TRMT10B: variants seen among roughly 807,000 people sequenced by gnomAD.
TRMT10B encodes tRNA methyltransferase 10B, also known as tRNA methyltransferase 10 homolog B.
TRMT10B carries 33 observed loss-of-function variants against 43.8 expected under a neutral mutation model. That is an observed-to-expected ratio of 0.75 (90% CI 0.57 to 1.01). The LOEUF (loss-of-function observed/expected upper bound fraction) is 1.01, where lower values mean the gene tolerates loss of function less well. TRMT10B is among the 50% of genes least tolerant of loss of function. The pLI, the probability that TRMT10B is intolerant of heterozygous loss-of-function variation, is 0.00. For missense variants in TRMT10B, 362 were observed against 369.8 expected (o/e 0.98, Z 0.17); for synonymous variants, 137 against 130.6 (o/e 1.05, Z -0.34).
upstream of TRMT10B, among the ~76,000 whole-genome samples, chr9:37,752,938 C>A (rs539297516): frequency 6.6e-6 from 1 of 152,088 alleles, no homozygotes; most frequent in Non-Finnish European, 1.5e-5. Context: ...ACTGTGGGTG[C>A]TTTGTTCTTT....
chr9:37,766,491 A>G (rs1397636547), intron 4 of TRMT10B, among the ~76,000 whole-genome samples: 2 of 152,130 alleles, frequency 1.3e-5, no homozygotes, highest in Non-Finnish European at 1.5e-5. Flanking sequence ...GCCTTGTAGT[A>G]TAGTTTGAAG....
intron 1 of TRMT10B, among the ~76,000 whole-genome samples, chr9:37,755,955 C>G (rs1825626638): frequency 6.6e-6 from 1 of 152,336 alleles, no homozygotes; most frequent in South Asian, 2.1e-4. Flanking sequence ...CCAGCACAGA[C>G]TTTCCAATTT....
intron 8 of TRMT10B, 31 bp downstream of exon 8, chr9:37,776,436 T>A: frequency 6.3e-7 from 1 of 1,590,486 alleles, no homozygotes; most frequent in Non-Finnish European, 8.5e-7. Context: ...ATCCAGGGTG[T>A]GTGAGTTCTG....
At chr9:37,753,484 C>T (rs550426439), upstream of TRMT10B, among the ~76,000 whole-genome samples, 22 of 151,596 alleles carry the variant, frequency 1.5e-4, no homozygotes, top group Non-Finnish European at 2.7e-4. Flanking sequence ...CAGTCGGGTG[C>T]GGGCCTTAGA....
At position 37,768,111 on chromosome 9, in the gene TRMT10B, G is replaced by GT. The variant is rs776124645; in HGVS notation, c.457dup (p.Tyr153LeufsTer8). ...GACTGGCTGGACAGATTCGAAGGTT[G>GT]TATGGTTCAAACAAAAAAGCTGACA... On this transcript the variant is annotated frameshift_variant, in exon 5 of 9. Transcript: ENST00000297994. LOFTEE classifies it high-confidence loss of function. 1.2e-6 allele frequency: 2 copies of GT among 1,614,110 alleles called. No homozygotes were observed. The highest frequency in any genetic ancestry group is 1.1e-5 in the South Asian group (1 of 91,062).
chr9:37,769,029 TG>T (rs1173241392), intron 5 of TRMT10B, among the ~76,000 whole-genome samples: 7 of 152,164 alleles, frequency 4.6e-5, no homozygotes, highest in African/African-American at 1.7e-4. Context: ...ATTTTGAGGC[TG>T]GGCACGGTGG....
In TRMT10B at chr9:37,777,690, C is replaced by T. The variant is rs750951493; in HGVS notation, c.934C>T (p.Arg312Trp). The T allele has an allele frequency of 1.6e-5, 26 of 1,613,718 alleles. No individual in the cohort carries two copies. Among genetic ancestry groups the T allele is most frequent in the African/African-American group, 4.0e-5 (3 of 74,858 alleles). ...GVSSGKGYIL[R>W]NSVE The stretch of plus-strand genomic sequence containing the variant: ...TTCTTCAGGAAAAGGCTATATTCTT[C>T]GGAACTCAGTGGAATGATGGGCCTA... Residue 312 changes from arginine (R) to tryptophan (W), a missense_variant, in exon 9 of 9, where the codon CGG (arginine) becomes TGG (tryptophan). Transcript: ENST00000297994.
intron 1 of TRMT10B, among the ~76,000 whole-genome samples, chr9:37,756,737 TATATAC>T (rs1825729421): frequency 6.6e-6 from 1 of 150,970 alleles, no homozygotes; most frequent in Non-Finnish European, 1.5e-5. Context: ...TATATATATA[TATATAC>T]ACACACACAC....
In TRMT10B at chr9:37,761,945, TGGAA is replaced by T. The variant is rs1468008216; in HGVS notation, c.17_20del (p.Glu6GlyfsTer6). On this transcript the variant is annotated frameshift_variant, in exon 2 of 9. Coordinates refer to ENST00000297994, the MANE Select transcript of TRMT10B (RefSeq NM_144964.4). LOFTEE classifies it high-confidence loss of function. Reference sequence around the variant, plus strand: ...AGGACTAAGTCCATGGACTGGAAATTGGAAGGGAGTACTCAGAAAGTAGAGTCAC... The same window carrying T: ...AGGACTAAGTCCATGGACTGGAAATTGGGAGTACTCAGAAAGTAGAGTCAC... 2 of 1,613,072 alleles carry T rather than the reference TGGAA, an allele frequency of 1.2e-6. No homozygotes were observed. The highest frequency in any genetic ancestry group is 1.7e-6 in the Non-Finnish European group (2 of 1,179,290).
intron 7 of TRMT10B, among the ~76,000 whole-genome samples, chr9:37,775,428 G>A (rs533632826): frequency 6.6e-6 from 1 of 152,306 alleles, no homozygotes; most frequent in East Asian, 1.9e-4. Flanking sequence ...GGGACTTCAT[G>A]ACTAAGGAAC....
intron 1 of TRMT10B, among the ~76,000 whole-genome samples, chr9:37,758,293 T>C (rs921948269): frequency 2.0e-5 from 3 of 152,096 alleles, no homozygotes; most frequent in Non-Finnish European, 4.4e-5. Flanking sequence ...GCACCTGTAG[T>C]CCCAGCTACT....
At position 37,762,651 on chromosome 9, in the gene TRMT10B, AGAAC is replaced by A. The variant is rs1035174020; in HGVS notation, c.265_268del (p.Arg89GlufsTer20). 6.3e-7 allele frequency: 1 copy of A among 1,593,962 alleles called. No individual in the cohort carries two copies. Among genetic ancestry groups the A allele is most frequent in the Non-Finnish European group, 8.6e-7 (1 of 1,169,002 alleles). Reference sequence around the variant, plus strand: ...AGAAGAGCAAAAGAAAGCAAGAAAAAGAACGAAGAAAAGCCAATCGTGCAGAAAA... The same window carrying A: ...AGAAGAGCAAAAGAAAGCAAGAAAAAGAAGAAAAGCCAATCGTGCAGAAAA... On this transcript the variant is annotated frameshift_variant, in exon 3 of 9. Coordinates refer to ENST00000297994, the MANE Select transcript of TRMT10B (RefSeq NM_144964.4). LOFTEE classifies it high-confidence loss of function.
Position 37,763,666 on chromosome 9 carries a change from T to G in TRMT10B, c.333T>G (p.Ala111=). ...AGCACAGCAAACGTTTCCTGAGAGC[T>G]CTAACCAAAGACAAACTTTTGGAAG... ...CPQHSKRFLR[A]LTKDKLLEAK... Residue 111 remains alanine (A), a synonymous_variant, in exon 4 of 9, where the codon GCT becomes GCG. Coordinates refer to ENST00000297994, the MANE Select transcript of TRMT10B (RefSeq NM_144964.4). 1 of 1,614,194 alleles carries G rather than the reference T, an allele frequency of 6.2e-7. No homozygotes were observed. The highest frequency in any genetic ancestry group is 8.5e-7 in the Non-Finnish European group (1 of 1,180,034).
At chr9:37,756,392 G>T (rs562979014) in intron 1 of TRMT10B, among the ~76,000 whole-genome samples, 2 of 149,302 alleles carry the variant, frequency 1.3e-5, no homozygotes, top group South Asian at 4.3e-4. Flanking sequence ...CATAATGGGG[G>T]TCTAGATATC....
At chr9:37,752,983 C>G (rs191820770), upstream of TRMT10B, among the ~76,000 whole-genome samples, 1 of 152,144 alleles carries the variant, frequency 6.6e-6, no homozygotes, top group Non-Finnish European at 1.5e-5. Flanking sequence ...CCCTTTGGGT[C>G]CCTACTGTCT....
At chr9:37,776,491 T>A in intron 8 of TRMT10B, 86 bp downstream of exon 8, 1 of 1,459,632 alleles carries the variant, frequency 6.9e-7, no homozygotes, top group South Asian at 1.5e-5. Context: ...TGAGTCAGTC[T>A]CCTCTGTGAC....
In TRMT10B at chr9:37,760,734, GT is replaced by G. The variant is rs200640852; in HGVS notation, c.-29-1160del. Among the ~76,000 whole-genome samples, 59 of 151,542 alleles carry G rather than the reference GT, an allele frequency of 3.9e-4. 1 individual carries two copies. Among genetic ancestry groups the G allele is most frequent in the Admixed American group, 1.1e-3 (17 of 15,194 alleles). ...GTGTGGATTGTTACTTTTCATTGTA[GT>G]TTTTTTTTAACACCATATACATGAA... On this transcript the variant is annotated intron_variant, in intron 1 of 8. Coordinates refer to ENST00000297994, the MANE Select transcript of TRMT10B (RefSeq NM_144964.4).
At chr9:37,764,741 A>G (rs1272818137) in intron 4 of TRMT10B, among the ~76,000 whole-genome samples, 1 of 152,076 alleles carries the variant, frequency 6.6e-6, no homozygotes, top group African/African-American at 2.4e-5. Flanking sequence ...ATGTGTTTTA[A>G]TTGATGCTCA....
chr9:37,774,558 G>C (rs1012836642), intron 7 of TRMT10B, among the ~76,000 whole-genome samples: 2 of 152,138 alleles, frequency 1.3e-5, no homozygotes, highest in Non-Finnish European at 2.9e-5. Flanking sequence ...TAAATTGTAA[G>C]CTCTTCTAGG....
Sources: allele counts gnomAD v4.1 joint callset (sites outside exome capture counted in the v4.1 genomes callset), GRCh38; gene constraint gnomAD v4.1.1; transcripts MANE v1.5; gene names NCBI Gene and HGNC (gene_info 2026-07-23, HGNC 2026-07-21).